The following PCDH15 variants were observed in gnomAD, a reference collection of about 807,000 sequenced individuals.
The protein encoded by PCDH15 is protocadherin related 15, also known as protocadherin-15.
PCDH15 carries 129 observed loss-of-function variants against 178.5 expected under a neutral mutation model. The observed-to-expected ratio is 0.72, with a 90% CI of 0.63 to 0.84. PCDH15 has a LOEUF of 0.84. PCDH15 is among the 40% of genes least tolerant of loss of function. The pLI, the probability that PCDH15 is intolerant of heterozygous loss-of-function variation, is 0.00. For synonymous variants in PCDH15, 800 were observed against 732.0 expected (o/e 1.09, Z -1.50); for missense variants, 2,230 against 2,099.9 (o/e 1.06, Z -1.21).
chr10:55,384,773 G>A (rs932315284), intron 2 of PCDH15, among the ~76,000 whole-genome samples: 12 of 152,048 alleles, frequency 7.9e-5, no homozygotes, highest in South Asian at 2.1e-4. Context: ...TAAATAGGAC[G>A]TCAGATTTTG....
At chr10:54,849,935 T>C (rs552406601) in intron 3 of PCDH15, among the ~76,000 whole-genome samples, 13 of 152,280 alleles carry the variant, frequency 8.5e-5, no homozygotes, top group Admixed American at 1.3e-4. Context: ...GAAGGGTATA[T>C]CATGACCTGA....
chr10:55,372,718 A>G (rs1323996640), intron 2 of PCDH15, among the ~76,000 whole-genome samples: 1 of 152,062 alleles, frequency 6.6e-6, no homozygotes, highest in African/African-American at 2.4e-5. Context: ...AAAATCTTCA[A>G]CCACTTCTCT....
In PCDH15 at chr10:55,590,805, A is replaced by G. The variant is rs556983675; in HGVS notation, c.-156+36820T>C. On this transcript the variant is annotated intron_variant, in intron 2 of 5. Transcript: ENST00000613346. ...AATGCCAATTATTTCTTTTTTCTTT[A>G]AAAACTACAATCACTACATATACAC... Among the ~76,000 whole-genome samples the G allele has an allele frequency of 2.8e-4, 43 of 152,214 alleles. 1 individual carries two copies. Among genetic ancestry groups the G allele is most frequent in the African/African-American group, 9.9e-4 (41 of 41,532 alleles).
intron 28 of PCDH15, among the ~76,000 whole-genome samples, chr10:53,841,269 T>C (rs1381233113): frequency 6.6e-6 from 1 of 152,128 alleles, no homozygotes; most frequent in Non-Finnish European, 1.5e-5. Flanking sequence ...ATTAAGAGCA[T>C]ATAATTCAGT....
At chr10:55,413,904 C>CAT (rs1171327573) in intron 2 of PCDH15, among the ~76,000 whole-genome samples, 1 of 151,324 alleles carries the variant, frequency 6.6e-6, no homozygotes, top group Admixed American at 6.6e-5. Flanking sequence ...CTCATTAGCT[C>CAT]ATATATATAT....
intron 2 of PCDH15, among the ~76,000 whole-genome samples, chr10:55,467,976 A>G (rs1839870574): frequency 6.8e-6 from 1 of 147,096 alleles, no homozygotes; most frequent in African/African-American, 2.6e-5. Context: ...CAAAAAAAAA[A>G]AAAAAAAAAA....
chr10:54,032,691 C>T (rs745459125), intron 18 of PCDH15, among the ~76,000 whole-genome samples: 1 of 151,838 alleles, frequency 6.6e-6, no homozygotes, highest in Non-Finnish European at 1.5e-5. Context: ...AAACTTTGTC[C>T]TTTTGTTACA....
chr10:55,325,576 G>A (rs1844009866), intron 2 of PCDH15, among the ~76,000 whole-genome samples: 1 of 152,046 alleles, frequency 6.6e-6, no homozygotes. Context: ...ACTCAAAATG[G>A]ATTGAAGACT....
intron 2 of PCDH15, among the ~76,000 whole-genome samples, chr10:55,080,853 G>T (rs1842023454): frequency 6.6e-6 from 1 of 152,082 alleles, no homozygotes; most frequent in Non-Finnish European, 1.5e-5. Flanking sequence ...TGGGGTTGCT[G>T]CTCCCAGCCC....
At chr10:54,247,462 T>C (rs1486875953) in intron 8 of PCDH15, among the ~76,000 whole-genome samples, 1 of 152,080 alleles carries the variant, frequency 6.6e-6, no homozygotes. Context: ...CTTGCCTTGC[T>C]CTCTGAATTT....
At chr10:54,532,379 T>A (rs946654749) in intron 2 of PCDH15, among the ~76,000 whole-genome samples, 2 of 152,146 alleles carry the variant, frequency 1.3e-5, no homozygotes, top group African/African-American at 4.8e-5. Context: ...ATGTCCCTCT[T>A]TTCCCAAAGC....
chr10:53,890,183 T>A (rs1350221783), intron 26 of PCDH15, among the ~76,000 whole-genome samples: 5 of 152,196 alleles, frequency 3.3e-5, no homozygotes, highest in Admixed American at 6.5e-5. Flanking sequence ...ATCCCAGCAC[T>A]TTGGAAGGCC....
intron 2 of PCDH15, among the ~76,000 whole-genome samples, chr10:55,166,189 G>C (rs1338550676): frequency 1.3e-5 from 2 of 152,054 alleles, no homozygotes; most frequent in African/African-American, 4.8e-5. Context: ...CCATCGACCT[G>C]ATGGCCCTTT....
At chr10:54,283,964 T>C (rs1394430810) in intron 8 of PCDH15, among the ~76,000 whole-genome samples, 1 of 152,136 alleles carries the variant, frequency 6.6e-6, no homozygotes, top group Admixed American at 6.6e-5. Flanking sequence ...CCTGAGTAAC[T>C]AAGACTACAG....
At chr10:54,201,963 T>A (rs1208623736) in intron 10 of PCDH15, among the ~76,000 whole-genome samples, 1 of 152,188 alleles carries the variant, frequency 6.6e-6, no homozygotes, top group Non-Finnish European at 1.5e-5. Flanking sequence ...ATTCTATATC[T>A]ATAGGGATGG....
At chr10:54,226,705 A>G (rs1455665367) in intron 9 of PCDH15, among the ~76,000 whole-genome samples, 1 of 152,210 alleles carries the variant, frequency 6.6e-6, no homozygotes, top group Non-Finnish European at 1.5e-5. Flanking sequence ...CACCAGAGAC[A>G]AGGCAAGTTC....
chr10:54,874,512 A>G (rs1468558032), intron 3 of PCDH15, among the ~76,000 whole-genome samples: 1 of 152,128 alleles, frequency 6.6e-6, no homozygotes, highest in Non-Finnish European at 1.5e-5. Context: ...CAAGGACTTC[A>G]TGTCTAAAAC....
At chr10:55,347,981 G>A (rs1165680708) in intron 2 of PCDH15, among the ~76,000 whole-genome samples, 1 of 151,830 alleles carries the variant, frequency 6.6e-6, no homozygotes, top group Non-Finnish European at 1.5e-5. Flanking sequence ...GTCAAAACAA[G>A]GTCTTTGAAG....
chr10:54,295,386 C>T (rs2059686480), intron 8 of PCDH15, among the ~76,000 whole-genome samples: 1 of 152,156 alleles, frequency 6.6e-6, no homozygotes, highest in African/African-American at 2.4e-5. Flanking sequence ...TAAAAGCTGG[C>T]CACCAGAGCC....
Sources: allele counts gnomAD v4.1 joint callset (sites outside exome capture counted in the v4.1 genomes callset), GRCh38; gene constraint gnomAD v4.1.1; transcripts MANE v1.5; gene names NCBI Gene and HGNC (gene_info 2026-07-23, HGNC 2026-07-21).